ARHGAP42: variants seen among roughly 807,000 people sequenced by gnomAD.
ARHGAP42 encodes the protein Rho GTPase activating protein 42.
ARHGAP42 carries 63 observed loss-of-function variants against 125.0 expected under a neutral mutation model. That is an observed-to-expected ratio of 0.50 (90% CI 0.41 to 0.62). The LOEUF (loss-of-function observed/expected upper bound fraction) is 0.62, where lower values mean the gene tolerates loss of function less well. Among genes scored for constraint, ARHGAP42 ranks in the 20% least tolerant of loss-of-function variants. The pLI is 0.00. For synonymous variants in ARHGAP42, 339 were observed against 351.0 expected (o/e 0.97, Z 0.38); for missense variants, 766 against 1,024.2 (o/e 0.75, Z 3.44).
At chr11:100,690,260 CTGT>C (rs1476517950) in intron 1 of ARHGAP42, among the ~76,000 whole-genome samples, 1 of 151,038 alleles carries the variant, frequency 6.6e-6, no homozygotes, top group African/African-American at 2.4e-5. Context: ...TAGCACGGCA[CTGT>C]TATTTTTATT....
chr11:100,781,878 T>A (rs1863320625), intron 2 of ARHGAP42, among the ~76,000 whole-genome samples: 1 of 152,150 alleles, frequency 6.6e-6, no homozygotes, highest in Non-Finnish European at 1.5e-5. Context: ...TTTGAAACCA[T>A]TTGGTGCAAA....
At chr11:100,869,447 T>A (rs1003266699) in intron 4 of ARHGAP42, among the ~76,000 whole-genome samples, 2 of 151,866 alleles carry the variant, frequency 1.3e-5, no homozygotes, top group African/African-American at 2.4e-5. Flanking sequence ...GTTTTCTCTA[T>A]CTTTACAACG....
intron 4 of ARHGAP42, among the ~76,000 whole-genome samples, chr11:100,898,932 T>C (rs1866445412): frequency 6.6e-6 from 1 of 152,192 alleles, no homozygotes; most frequent in Non-Finnish European, 1.5e-5. Flanking sequence ...AATTGTGATG[T>C]TAGGGTGTCG....
chr11:100,984,505 T>G (rs1858625573), intron 22 of ARHGAP42, among the ~76,000 whole-genome samples: 1 of 152,034 alleles, frequency 6.6e-6, no homozygotes, highest in Non-Finnish European at 1.5e-5. Context: ...TTCTCATTGT[T>G]CAAAAGGCCT....
chr11:100,698,879 G>A lies in ARHGAP42; in HGVS notation c.154+11047G>A, dbSNP rs578095442. The stretch of plus-strand genomic sequence containing the variant: ...AATGATGTTGACATATGAGCTAAGA[G>A]GGAGTTTTTAAAAACAATTCTGGTT... On this transcript the variant is annotated intron_variant, in intron 1 of 23. Coordinates refer to ENST00000298815, the MANE Select transcript of ARHGAP42 (RefSeq NM_152432.4). Among the ~76,000 whole-genome samples, 4 of 152,226 alleles carry A rather than the reference G, an allele frequency of 2.6e-5. No individual in the cohort carries two copies. The South Asian group carries it at 8.3e-4, about 32-fold the overall frequency.
chr11:100,853,020 G>C (rs1565242571), intron 3 of ARHGAP42, among the ~76,000 whole-genome samples: 1 of 152,098 alleles, frequency 6.6e-6, no homozygotes, highest in Non-Finnish European at 1.5e-5. Flanking sequence ...TGAGAATACA[G>C]GTTCTGAATG....
At chr11:100,808,389 T>C (rs1864050164) in intron 3 of ARHGAP42, among the ~76,000 whole-genome samples, 1 of 150,022 alleles carries the variant, frequency 6.7e-6, no homozygotes, top group Non-Finnish European at 1.5e-5. Context: ...TAATTATAAA[T>C]TCACTCTTTT....
chr11:100,882,919 C>G lies in ARHGAP42; in HGVS notation c.384+23294C>G, dbSNP rs1038238251. 1.6e-4 allele frequency among the ~76,000 whole-genome samples: 24 copies of G among 152,062 alleles called. 1 individual carries two copies. Among genetic ancestry groups the G allele is most frequent in the Non-Finnish European group, 2.9e-5 (2 of 68,006 alleles). ...GGTGTTCATAGTAGCCTTGAATGAT[C>G]TTTTGTATTTCTGTCATGTCTGTCA... On this transcript the variant is annotated intron_variant, in intron 4 of 23. Coordinates refer to ENST00000298815, the MANE Select transcript of ARHGAP42 (RefSeq NM_152432.4).
intron 1 of ARHGAP42, among the ~76,000 whole-genome samples, chr11:100,743,884 G>T (rs1030346913): frequency 2.0e-5 from 3 of 152,076 alleles, no homozygotes; most frequent in African/African-American, 7.2e-5. Context: ...ACTTCTTATT[G>T]CATTTTGTAA....
rs942408155 is a variant in ARHGAP42, at chr11:100,729,072, G to C, written c.154+41240G>C. ...GTGTGAGCCACTGCACGCAGCCTCT[G>C]TCTCTCTCTCTCTCTCTTAACTTTC... On this transcript the variant is annotated intron_variant, in intron 1 of 23. Transcript: ENST00000298815. Among the ~76,000 whole-genome samples the C allele has an allele frequency of 5.0e-4, 75 of 150,326 alleles. 1 individual carries two copies. The highest frequency in any genetic ancestry group is 2.0e-4 in the East Asian group (1 of 5,102).
intron 1 of ARHGAP42, among the ~76,000 whole-genome samples, chr11:100,694,690 TCAACCAC>T (rs1861244804): frequency 2.0e-5 from 3 of 152,212 alleles, no homozygotes; most frequent in African/African-American, 7.2e-5. Flanking sequence ...TCAGGCCTCA[TCAACCAC>T]AGGCTGCTTC....
rs576639903 is a variant in ARHGAP42 at position 100,935,800 on chromosome 11, C to T, written c.703-403C>T. Among the ~76,000 whole-genome samples the T allele has an allele frequency of 3.3e-5, 5 of 152,232 alleles. No homozygotes were observed. In the South Asian group the frequency reaches 1.0e-3, roughly 32 times the overall value. The stretch of plus-strand genomic sequence containing the variant: ...CACAAAGACATAGATGTGGTGAATA[C>T]TGCCAGAAGAATCAAGGTCATCTTT... On this transcript the variant is annotated intron_variant, in intron 7 of 23. Transcript: ENST00000298815.
At chr11:100,819,100 T>G (rs1050838140) in intron 3 of ARHGAP42, among the ~76,000 whole-genome samples, 8 of 152,158 alleles carry the variant, frequency 5.3e-5, no homozygotes, top group South Asian at 2.1e-4. Flanking sequence ...GAGACTGGAT[T>G]GTCACTCCCT....
intron 3 of ARHGAP42, among the ~76,000 whole-genome samples, chr11:100,846,393 G>A (rs897057913): frequency 6.6e-6 from 1 of 152,080 alleles, no homozygotes; most frequent in Admixed American, 6.6e-5. Flanking sequence ...ATAGGAAAAT[G>A]ATGTTTAGTT....
chr11:100,687,637 G>C lies in ARHGAP42; in HGVS notation c.-42G>C, dbSNP rs1395565487. The C allele has an allele frequency of 1.1e-5, 15 of 1,336,140 alleles. No individual in the cohort carries two copies. The highest frequency in any genetic ancestry group is 3.9e-6 in the Non-Finnish European group (4 of 1,032,092). The allele number at this position is 1,336,140 out of a possible 1,614,324, so 82.8% of individuals were successfully genotyped here. A position where few individuals can be genotyped will look rare whatever the true frequency, so the allele number is the denominator to read the frequency against. On this transcript the variant is annotated 5_prime_UTR_variant, in exon 1 of 24. Coordinates refer to ENST00000298815, the MANE Select transcript of ARHGAP42 (RefSeq NM_152432.4). ...GCCGGCTGCCCCCGCCCTGACCTCC[G>C]GCCCGGACGTGTCCGCGGCCGCCGC...
At chr11:100,728,715 TA>T (rs1021356792) in intron 1 of ARHGAP42, among the ~76,000 whole-genome samples, 2 of 4,332 alleles carry the variant, frequency 4.6e-4, no homozygotes, top group South Asian at 5.1e-3. Context: ...TGACTTTGCG[TA>T]TATATATATA....
At chr11:100,967,469 G>A (rs1397561075) in intron 17 of ARHGAP42, among the ~76,000 whole-genome samples, 4 of 152,026 alleles carry the variant, frequency 2.6e-5, no homozygotes, top group East Asian at 1.9e-4. Context: ...TCTCCTAAAC[G>A]AAAACCTTTT....
At chr11:100,962,598 C>T (rs773966636) in intron 16 of ARHGAP42, 131 bp downstream of exon 16, 4 of 808,982 alleles carry the variant, frequency 4.9e-6, no homozygotes, top group Middle Eastern at 7.5e-4. Context: ...TAATCTGGGC[C>T]GGGTGCGGTG....
rs59112603 is a variant in ARHGAP42 at position 100,952,734 on chromosome 11, C to CTTTTTT, written c.1162+2784_1162+2789dup. Among the ~76,000 whole-genome samples, 4 of 117,524 alleles carry CTTTTTT rather than the reference C, an allele frequency of 3.4e-5. 1 individual carries two copies. Among genetic ancestry groups the CTTTTTT allele is most frequent in the Non-Finnish European group, 3.4e-5 (2 of 59,398 alleles). The allele number at this position is 117,524 out of a possible 152,430, so 77.1% of individuals were successfully genotyped here. ...GTATTACTAATTCACCTAAGTCAGG[C>CTTTTTT]TTTTTTTTTTTGAGATGGAGTCTCA... On this transcript the variant is annotated intron_variant, in intron 12 of 23. Transcript: ENST00000298815.
Sources: gnomAD v4.1 joint callset for allele counts (sites outside exome capture counted in the v4.1 genomes callset) on GRCh38, gnomAD v4.1.1 for gene constraint, MANE v1.5 for transcripts, NCBI Gene and HGNC (gene_info 2026-07-23, HGNC 2026-07-21) for gene names.